GRID2: variants seen among roughly 807,000 people sequenced by gnomAD.
GRID2 encodes the protein glutamate receptor ionotropic, delta-2.
Under a neutral mutation model 114.8 loss-of-function variants are expected in GRID2, and 33 were observed. That is an observed-to-expected ratio of 0.29 (90% CI 0.22 to 0.38). The LOEUF (loss-of-function observed/expected upper bound fraction) is 0.38. Among genes scored for constraint, GRID2 ranks in the 10% least tolerant of loss-of-function variants. The pLI, the probability that GRID2 is intolerant of heterozygous loss-of-function variation, is 1.00. For synonymous variants in GRID2, 505 were observed against 449.9 expected, an observed-to-expected ratio of 1.12 and a Z score of -1.55; for missense variants, 1,184 against 1,257.7, an observed-to-expected ratio of 0.94 and a Z score of 0.89.
At chr4:93,593,692 C>A (rs1470488202) in intron 13 of GRID2, among the ~76,000 whole-genome samples, 1 of 152,062 alleles carries the variant, frequency 6.6e-6, no homozygotes, top group Non-Finnish European at 1.5e-5. Context: ...TCAGGTACAC[C>A]AATCAGACGT....
intron 2 of GRID2, among the ~76,000 whole-genome samples, chr4:92,624,392 G>T (rs1449586920): frequency 6.6e-6 from 1 of 151,692 alleles, no homozygotes; most frequent in African/African-American, 2.4e-5. Flanking sequence ...TTGATCCATG[G>T]TGTTTTCTCA....
chr4:92,921,228 G>T (rs1037655433), intron 2 of GRID2, among the ~76,000 whole-genome samples: 1 of 151,974 alleles, frequency 6.6e-6, no homozygotes, highest in African/African-American at 2.4e-5. Flanking sequence ...CTCTGCATTG[G>T]TTATTCTAGT....
chr4:93,023,432 T>C (rs1723585224), intron 2 of GRID2, among the ~76,000 whole-genome samples: 1 of 152,020 alleles, frequency 6.6e-6, no homozygotes, highest in African/African-American at 2.4e-5. Flanking sequence ...TAACTTTGTT[T>C]AATCACAATG....
chr4:92,463,023 T>C (rs1721571006), intron 1 of GRID2, among the ~76,000 whole-genome samples: 1 of 151,966 alleles, frequency 6.6e-6, no homozygotes, highest in African/African-American at 2.4e-5. Flanking sequence ...AAGTAAACCA[T>C]TGAATAATAT....
intron 14 of GRID2, among the ~76,000 whole-genome samples, chr4:93,755,892 C>G (rs899420639): frequency 6.6e-6 from 1 of 152,022 alleles, no homozygotes; most frequent in African/African-American, 2.4e-5. Flanking sequence ...TGCTTTTTGT[C>G]TACATAGTTA....
chr4:93,336,569 G>A (rs72876950), intron 8 of GRID2, among the ~76,000 whole-genome samples: 336 of 152,278 alleles, frequency 2.2e-3, no homozygotes, highest in African/African-American at 7.6e-3. Context: ...GCCTATAAGT[G>A]TAGCTACTGA....
At chr4:93,680,275 G>A (rs1481949158) in intron 14 of GRID2, among the ~76,000 whole-genome samples, 5 of 152,036 alleles carry the variant, frequency 3.3e-5, no homozygotes, top group African/African-American at 9.7e-5. Flanking sequence ...CTGAAATTGT[G>A]GCAATAATCA....
In GRID2 at chr4:93,774,537, T is replaced by G. The variant is rs568283704; in HGVS notation, c.*2039T>G. 3.3e-5 allele frequency: 5 copies of G among 152,296 alleles called. No individual in the cohort carries two copies. The highest frequency in any genetic ancestry group is 1.2e-4 in the African/African-American group (5 of 41,586). 9.4% of individuals were successfully genotyped at this position (152,296 alleles called of 1,614,324 possible). On this transcript the variant is annotated 3_prime_UTR_variant, in exon 16 of 16. Coordinates refer to ENST00000282020, the MANE Select transcript of GRID2 (RefSeq NM_001510.4). ...GTATAATTTGTCTAAATAATTTGTC[T>G]AATAAAAATGTTTTCTAAACTTGCT...
At chr4:92,384,520 TATA>T (rs1167125742) in intron 1 of GRID2, among the ~76,000 whole-genome samples, 1,195 of 31,702 alleles carry the variant, frequency 0.038, 96 homozygotes, top group African/African-American at 0.15. Flanking sequence ...TATAATATTA[TATA>T]ATATAATATA....
At chr4:92,371,960 A>G (rs1388344133) in intron 1 of GRID2, among the ~76,000 whole-genome samples, 1 of 152,140 alleles carries the variant, frequency 6.6e-6, no homozygotes, top group Non-Finnish European at 1.5e-5. Context: ...TCTAACCCTT[A>G]TGGAAGCATT....
At chr4:92,579,364 C>A (rs1728064470) in intron 1 of GRID2, among the ~76,000 whole-genome samples, 1 of 151,702 alleles carries the variant, frequency 6.6e-6, no homozygotes, top group Non-Finnish European at 1.5e-5. Context: ...TTTTTTGTTT[C>A]TTTTTCTTCA....
intron 13 of GRID2, among the ~76,000 whole-genome samples, chr4:93,614,201 G>T (rs145471203): frequency 6.6e-6 from 1 of 152,182 alleles, no homozygotes; most frequent in Non-Finnish European, 1.5e-5. Context: ...ACTGGCCTGC[G>T]CCCACTGTCT....
rs760014778 is a variant in GRID2 at position 93,772,331 on chromosome 4, A to C, written c.2857A>C (p.Thr953Pro). ...TLSAKAASGFTFGNVPEHRTG... is the reference protein window; with the variant it reads ...TLSAKAASGFPFGNVPEHRTG... ...GTCAGCTAAAGCTGCTTCTGGTTTCACTTTTGGCAACGTGCCTGAGCACCG... is the reference window on the plus strand; with the variant it reads ...GTCAGCTAAAGCTGCTTCTGGTTTCCCTTTTGGCAACGTGCCTGAGCACCG... The change falls in exon 16 of 16, where the codon ACT becomes CCT. Residue 953 changes from threonine (T) to proline (P), a missense_variant. This residue lies in a region of GRID2 where 717 missense variants were observed against 796.9 expected (regional missense o/e 0.90). Coordinates refer to ENST00000282020, the MANE Select transcript of GRID2 (RefSeq NM_001510.4). The C allele has an allele frequency of 6.2e-7, 1 of 1,614,020 alleles. No individual in the cohort carries two copies. The highest frequency in any genetic ancestry group is 2.2e-5 in the East Asian group (1 of 44,872).
chr4:93,429,087 C>T (rs1478418348), intron 10 of GRID2, among the ~76,000 whole-genome samples: 1 of 152,198 alleles, frequency 6.6e-6, no homozygotes, highest in Non-Finnish European at 1.5e-5. Context: ...CTGCTGGGAT[C>T]AAGAATCGCC....
chr4:92,941,295 G>T (rs1342225705), intron 2 of GRID2, among the ~76,000 whole-genome samples: 1 of 152,086 alleles, frequency 6.6e-6, no homozygotes, highest in African/African-American at 2.4e-5. Flanking sequence ...GTTTAGTCTT[G>T]GGAGGGTGTA....
chr4:93,636,869 A>T (rs1260099048), intron 14 of GRID2, among the ~76,000 whole-genome samples: 1 of 152,154 alleles, frequency 6.6e-6, no homozygotes, highest in Non-Finnish European at 1.5e-5. Flanking sequence ...CTTGGTTAAA[A>T]CCATGCCCTG....
In GRID2 at chr4:93,185,851, CTTG is replaced by C. The variant is rs554368915; in HGVS notation, c.736-21551_736-21549del. Among the ~76,000 whole-genome samples the C allele has an allele frequency of 9.9e-5, 15 of 152,238 alleles. No individual in the cohort carries two copies. In the East Asian group the frequency reaches 2.9e-3, roughly 29 times the overall value. ...CGTGTTGGTTTGCTGCACCCATTAA[CTTG>C]TCATTTACATTAGGCATTTATTCTA... On this transcript the variant is annotated intron_variant, in intron 4 of 15. Transcript: ENST00000282020.
intron 4 of GRID2, among the ~76,000 whole-genome samples, chr4:93,122,157 A>G (rs1733836323): frequency 6.6e-6 from 1 of 152,000 alleles, no homozygotes; most frequent in Admixed American, 6.5e-5. Flanking sequence ...TTTTTAAAAG[A>G]ATGCTTCTTA....
chr4:92,585,890 T>G (rs920613834), intron 1 of GRID2, among the ~76,000 whole-genome samples: 1 of 151,956 alleles, frequency 6.6e-6, no homozygotes, highest in Non-Finnish European at 1.5e-5. Context: ...ATAATGCCTG[T>G]GACAACAAAT....
Sources: allele counts gnomAD v4.1 joint callset (sites outside exome capture counted in the v4.1 genomes callset), GRCh38; gene constraint gnomAD v4.1.1; regional missense constraint gnomAD v4.1.1; transcripts MANE v1.5; gene names NCBI Gene and HGNC (gene_info 2026-07-23, HGNC 2026-07-21).